The following MIR2052HG variants were observed in gnomAD, a reference collection of about 807,000 sequenced individuals.
MIR2052HG encodes MIR2052 host gene.
intron 2 of MIR2052HG, among the ~76,000 whole-genome samples, chr8:74,686,287 T>C (rs997376790): frequency 6.6e-6 from 1 of 152,054 alleles, no homozygotes; most frequent in East Asian, 1.9e-4. Flanking sequence ...TACCTTATTC[T>C]TGACATCGAC....
chr8:74,749,972 C>T (rs578017281), intron 4 of MIR2052HG, among the ~76,000 whole-genome samples: 1 of 151,982 alleles, frequency 6.6e-6, no homozygotes. Flanking sequence ...TGCTCTCTTG[C>T]GTAGACCTTC....
chr8:74,666,710 A>G (rs753042303), intron 2 of MIR2052HG, among the ~76,000 whole-genome samples: 1 of 152,214 alleles, frequency 6.6e-6, no homozygotes, highest in Non-Finnish European at 1.5e-5. Flanking sequence ...GTGTCGAATT[A>G]CCATCCATGA....
At position 74,640,019 on chromosome 8, in the gene MIR2052HG, C is replaced by T. The variant is rs567420909; in HGVS notation, n.216+27079C>T. Among the ~76,000 whole-genome samples, 191 of 152,266 alleles carry T rather than the reference C, an allele frequency of 1.3e-3. 1 individual carries two copies. The highest frequency in any genetic ancestry group is 1.8e-3 in the Non-Finnish European group (120 of 68,016). On this transcript the variant is annotated intron_variant and non_coding_transcript_variant, in intron 2 of 6. Coordinates refer to ENST00000523442, the Ensembl canonical transcript of MIR2052HG. Reference sequence around the variant, plus strand: ...AGTCCCATCATGGTTTCAGATGTCACCAACAGCTCCTTTAATGCCTTTATT... The same window carrying T: ...AGTCCCATCATGGTTTCAGATGTCATCAACAGCTCCTTTAATGCCTTTATT...
chr8:74,668,151 T>C (rs1320013135), intron 2 of MIR2052HG, among the ~76,000 whole-genome samples: 1 of 152,024 alleles, frequency 6.6e-6, no homozygotes, highest in Non-Finnish European at 1.5e-5. Flanking sequence ...TGATGTAGAA[T>C]TGAGTGTCAG....
chr8:74,625,813 T>G (rs1030127058), intron 2 of MIR2052HG, among the ~76,000 whole-genome samples: 5 of 152,360 alleles, frequency 3.3e-5, no homozygotes, highest in Non-Finnish European at 7.3e-5. Context: ...AAGTTGATTT[T>G]GGATTCCAAT....
At chr8:74,693,049 GAC>G (rs1809255647) in intron 2 of MIR2052HG, among the ~76,000 whole-genome samples, 1 of 152,184 alleles carries the variant, frequency 6.6e-6, no homozygotes, top group East Asian at 1.9e-4. Context: ...TGTGAACAAA[GAC>G]ATTATAATCT....
intron 4 of MIR2052HG, among the ~76,000 whole-genome samples, chr8:74,716,033 C>A (rs1332117566): frequency 6.6e-6 from 1 of 152,076 alleles, no homozygotes; most frequent in Non-Finnish European, 1.5e-5. Flanking sequence ...AAAGAAGATC[C>A]CAGAAAGCTC....
chr8:74,712,833 A>G (rs1390931587), intron 4 of MIR2052HG, among the ~76,000 whole-genome samples: 1 of 152,136 alleles, frequency 6.6e-6, no homozygotes, highest in Non-Finnish European at 1.5e-5. Flanking sequence ...TATTTAATAA[A>G]TAGTTACTAA....
chr8:74,729,825 T>C (rs554266998), intron 4 of MIR2052HG, among the ~76,000 whole-genome samples: 33 of 152,284 alleles, frequency 2.2e-4, no homozygotes, highest in African/African-American at 7.7e-4. Flanking sequence ...AACAGAATCA[T>C]AGTGTCATTA....
At chr8:74,612,169 T>G (rs550885314) in intron 1 of MIR2052HG, among the ~76,000 whole-genome samples, 3 of 152,206 alleles carry the variant, frequency 2.0e-5, no homozygotes, top group Non-Finnish European at 4.4e-5. Flanking sequence ...GAACAGAGCC[T>G]GGACTGTTCC....
chr8:74,680,741 C>G (rs1432743958), intron 2 of MIR2052HG, among the ~76,000 whole-genome samples: 1 of 152,126 alleles, frequency 6.6e-6, no homozygotes, highest in Non-Finnish European at 1.5e-5. Flanking sequence ...ATAAATCATG[C>G]TGTTATACAG....
intron 2 of MIR2052HG, among the ~76,000 whole-genome samples, chr8:74,631,625 G>A (rs900919902): frequency 6.6e-6 from 1 of 152,208 alleles, no homozygotes; most frequent in Admixed American, 6.5e-5. Context: ...TTTTGGACCA[G>A]TAGTAATAAC....
chr8:74,700,050 G>A (rs961934344), intron 2 of MIR2052HG, among the ~76,000 whole-genome samples: 10 of 152,106 alleles, frequency 6.6e-5, no homozygotes, highest in Non-Finnish European at 1.3e-4. Flanking sequence ...ACAATGCTAT[G>A]ATGAAGGTAA....
intron 4 of MIR2052HG, among the ~76,000 whole-genome samples, chr8:74,706,077 C>T (rs952865377): frequency 6.6e-6 from 1 of 152,068 alleles, no homozygotes; most frequent in African/African-American, 2.4e-5. Context: ...TTCAGCAAAG[C>T]AGTTCTGCTC....
intron 2 of MIR2052HG, among the ~76,000 whole-genome samples, chr8:74,634,668 A>T (rs1053571333): frequency 6.6e-6 from 1 of 152,150 alleles, no homozygotes. Context: ...GTGAGTAAAG[A>T]CATTATCTTT....
intron 2 of MIR2052HG, among the ~76,000 whole-genome samples, chr8:74,625,692 T>C (rs1808424854): frequency 6.6e-6 from 1 of 152,230 alleles, no homozygotes; most frequent in Non-Finnish European, 1.5e-5. Context: ...AGTTAAAGAA[T>C]ATTCTTACAA....
Position 74,602,815 on chromosome 8 carries a change from G to GCGTTTCTTTCTTTCTTTCTTTCTT in MIR2052HG, n.128+2907_128+2908insCGTTTCTTTCTTTCTTTCTTTCTT, listed in dbSNP as rs1554570004. Among the ~76,000 whole-genome samples the GCGTTTCTTTCTTTCTTTCTTTCTT allele has an allele frequency of 4.9e-3, 110 of 22,530 alleles. 1 individual carries two copies. Among genetic ancestry groups the GCGTTTCTTTCTTTCTTTCTTTCTT allele is most frequent in the Middle Eastern group, 0.036 (1 of 28 alleles). 14.8% of individuals were successfully genotyped at this position (22,530 alleles called of 152,430 possible). A position where few individuals can be genotyped will look rare whatever the true frequency, so the allele number is the denominator to read the frequency against. ...TGGATGTGAGCTGCCATGCCCGGCC[G>GCGTTTCTTTCTTTCTTTCTTTCTT]TGTTTCTTTCTTTCTTTCTTTCTTT... On this transcript the variant is annotated intron_variant and non_coding_transcript_variant, in intron 1 of 6. Coordinates refer to ENST00000523442, the Ensembl canonical transcript of MIR2052HG.
intron 3 of MIR2052HG, among the ~76,000 whole-genome samples, chr8:74,703,033 A>G (rs1378360232): frequency 6.6e-6 from 1 of 152,050 alleles, no homozygotes; most frequent in Non-Finnish European, 1.5e-5. Flanking sequence ...GCAATTGAAA[A>G]TGAGTTCCCT....
intron 2 of MIR2052HG, among the ~76,000 whole-genome samples, chr8:74,696,125 TCTCAGA>T (rs1292432942): frequency 6.6e-6 from 1 of 152,120 alleles, no homozygotes; most frequent in Non-Finnish European, 1.5e-5. Context: ...TCAAATACTT[TCTCAGA>T]CCACAGTGGA....
Sources: allele counts gnomAD v4.1 joint callset (sites outside exome capture counted in the v4.1 genomes callset), GRCh38; gene constraint gnomAD v4.1.1; transcripts MANE v1.5; gene names NCBI Gene and HGNC (gene_info 2026-07-23, HGNC 2026-07-21).